FLT1: variants seen among roughly 807,000 people sequenced by gnomAD.
The protein encoded by FLT1 is vascular endothelial growth factor receptor 1.
In FLT1, 49 loss-of-function variants were observed where a neutral mutation model predicts 156.3. That is an observed-to-expected ratio of 0.31 (90% confidence interval 0.25 to 0.40). The LOEUF (loss-of-function observed/expected upper bound fraction) is 0.40, where lower values mean the gene tolerates loss of function less well. Among genes scored for constraint, FLT1 ranks in the 10% least tolerant of loss-of-function variants. FLT1 has a pLI of 1.00. For missense variants in FLT1, 1,322 were observed against 1,637.2 expected (o/e 0.81, Z 3.32); for synonymous variants, 594 against 583.8 (o/e 1.02, Z -0.25).
chr13:28,388,065 A>C (rs1874474641), intron 13 of FLT1: 1 of 1,058,218 alleles, frequency 9.4e-7, no homozygotes, highest in Middle Eastern at 4.2e-4. Flanking sequence ...TAAGGCCCCC[A>C]TGTTCTATGG....
At chr13:28,470,503 G>T (rs979156306) in intron 1 of FLT1, among the ~76,000 whole-genome samples, 2 of 152,080 alleles carry the variant, frequency 1.3e-5, no homozygotes, top group African/African-American at 2.4e-5. Context: ...GATGCTGAGC[G>T]CTCCCGTCCA....
At chr13:28,365,621 G>A (rs1420541107) in intron 14 of FLT1, among the ~76,000 whole-genome samples, 2 of 152,060 alleles carry the variant, frequency 1.3e-5, no homozygotes, top group Non-Finnish European at 2.9e-5. Flanking sequence ...CAAAATGCTG[G>A]GATTACAGGC....
intron 10 of FLT1, among the ~76,000 whole-genome samples, chr13:28,424,918 T>C (rs760230778): frequency 1.3e-5 from 2 of 152,220 alleles, no homozygotes; most frequent in Non-Finnish European, 2.9e-5. Context: ...TGTATATAAA[T>C]ATGTTTATAT....
intron 16 of FLT1, among the ~76,000 whole-genome samples, chr13:28,342,545 G>A (rs1047033824): frequency 1.3e-5 from 2 of 152,094 alleles, no homozygotes; most frequent in Non-Finnish European, 2.9e-5. Flanking sequence ...AAAGCCTGAT[G>A]TTAAACATTT....
chr13:28,363,662 G>A (rs1010710391), intron 14 of FLT1, among the ~76,000 whole-genome samples: 1 of 151,514 alleles, frequency 6.6e-6, no homozygotes, highest in African/African-American at 2.4e-5. Context: ...CGCCCAGGCT[G>A]GAGTGCAGTG....
chr13:28,340,893 A>T (rs61349664), intron 16 of FLT1, among the ~76,000 whole-genome samples: 8,835 of 152,172 alleles, frequency 0.058, 876 homozygotes, highest in African/African-American at 0.2. Flanking sequence ...ATTGGGTTAG[A>T]CTATGAGGGC....
rs144501160 is a variant in FLT1 at position 28,383,797 on chromosome 13, C to T, written c.2116+1088G>A. 5.1e-3 allele frequency among the ~76,000 whole-genome samples: 782 copies of T among 152,298 alleles called. 6 individuals carry two copies. The highest frequency in any genetic ancestry group is 0.018 in the African/African-American group (742 of 41,554). On this transcript the variant is annotated intron_variant, in intron 14 of 29. Transcript: ENST00000282397. ...TGAGCTGAGTGAGATCGTGCCACTG[C>T]ACTCCAGCCTGGTGACAGAGTGAGA...
At chr13:28,372,502 T>C (rs1201369008) in intron 14 of FLT1, among the ~76,000 whole-genome samples, 2 of 149,662 alleles carry the variant, frequency 1.3e-5, no homozygotes, top group Admixed American at 6.7e-5. Context: ...AAGGGAAATT[T>C]GTATAGCTTA....
intron 16 of FLT1, among the ~76,000 whole-genome samples, chr13:28,340,733 C>T (rs1411226000): frequency 6.6e-6 from 1 of 152,194 alleles, no homozygotes; most frequent in East Asian, 1.9e-4. Flanking sequence ...CAGCTCACCT[C>T]ATCCATCACT....
intron 3 of FLT1, among the ~76,000 whole-genome samples, chr13:28,457,507 G>A (rs1326605239): frequency 6.6e-6 from 1 of 152,078 alleles, no homozygotes; most frequent in East Asian, 1.9e-4. Flanking sequence ...TACCTATTTT[G>A]AACAACACAA....
At chr13:28,428,158 A>G (rs1367040297) in intron 8 of FLT1, among the ~76,000 whole-genome samples, 8 of 152,198 alleles carry the variant, frequency 5.3e-5, no homozygotes, top group Admixed American at 1.3e-4. Context: ...AAGATAGAAA[A>G]GCAGTAGCTT....
intron 6 of FLT1, among the ~76,000 whole-genome samples, chr13:28,431,848 G>A (rs1486093544): frequency 1.3e-5 from 2 of 152,000 alleles, no homozygotes; most frequent in Non-Finnish European, 2.9e-5. Context: ...TTGTCCCTAC[G>A]AGATATGAAG....
chr13:28,438,471 T>C (rs1878157486), intron 3 of FLT1, 126 bp from the exon 4 acceptor site: 1 of 738,068 alleles, frequency 1.4e-6, no homozygotes, highest in Non-Finnish European at 2.3e-6. Flanking sequence ...ATGTAATCCA[T>C]ACATTCACAT....
chr13:28,338,144 G>A (rs573750567), intron 17 of FLT1, among the ~76,000 whole-genome samples: 2 of 152,218 alleles, frequency 1.3e-5, no homozygotes, highest in South Asian at 2.1e-4. Context: ...CTCAGTGTAA[G>A]CAGAATCATT....
chr13:28,392,900 A>G (rs1338619285), intron 12 of FLT1, among the ~76,000 whole-genome samples: 2 of 152,156 alleles, frequency 1.3e-5, no homozygotes, highest in Non-Finnish European at 2.9e-5. Context: ...CCTTTTAGAA[A>G]TGACTATTTC....
At chr13:28,408,750 A>AAG (rs1238906681) in intron 10 of FLT1, among the ~76,000 whole-genome samples, 5 of 152,170 alleles carry the variant, frequency 3.3e-5, no homozygotes, top group Non-Finnish European at 7.3e-5. Context: ...TATTCTGGAC[A>AAG]AGGCCACTGT....
chr13:28,385,731 T>C, intron 13 of FLT1: 7 of 969,660 alleles, frequency 7.2e-6, no homozygotes, highest in Non-Finnish European at 8.7e-6. Flanking sequence ...TACAATACAA[T>C]TTATTTTAAT....
chr13:28,387,666 A>G (rs1185934345), intron 13 of FLT1: 2 of 1,064,074 alleles, frequency 1.9e-6, no homozygotes, highest in East Asian at 5.0e-5. Flanking sequence ...CCCCTGTTCC[A>G]TTTCAATTAT....
Position 28,372,076 on chromosome 13 carries a change from A to ATTTTTTTTTTTTTTTT in FLT1, c.2116+12793_2116+12808dup, listed in dbSNP as rs56114428. Among the ~76,000 whole-genome samples the ATTTTTTTTTTTTTTTT allele has an allele frequency of 2.6e-4, 3 of 11,760 alleles. 1 individual carries two copies. Among genetic ancestry groups the ATTTTTTTTTTTTTTTT allele is most frequent in the East Asian group, 5.5e-3 (2 of 364 alleles). The allele number at this position is 11,760 out of a possible 152,430, so 7.7% of individuals were successfully genotyped here. On this transcript the variant is annotated intron_variant, in intron 14 of 29. Coordinates refer to ENST00000282397, the MANE Select transcript of FLT1 (RefSeq NM_002019.4). ...TATATATATATATATATATATATAT[A>ATTTTTTTTTTTTTTTT]TTTTTTTTTTTTTTTTTTTTTTTGA... is the stretch of plus-strand genomic sequence containing the variant.
Sources: gnomAD v4.1 joint callset for allele counts (sites outside exome capture counted in the v4.1 genomes callset) on GRCh38, gnomAD v4.1.1 for gene constraint, MANE v1.5 for transcripts, NCBI Gene and HGNC (gene_info 2026-07-23, HGNC 2026-07-21) for gene names.